Variants in CACNA2D3 observed in about 807,000 individuals in gnomAD.
The protein encoded by CACNA2D3 is calcium voltage-gated channel auxiliary subunit alpha2delta 3.
Under a neutral mutation model 160.6 loss-of-function variants are expected in CACNA2D3, and 60 were observed. The observed-to-expected ratio is 0.37, with a 90% CI of 0.30 to 0.46. The LOEUF is 0.46. CACNA2D3 is among the 20% of genes least tolerant of loss of function. CACNA2D3 has a pLI of 1.00. For synonymous variants in CACNA2D3, 558 were observed against 492.9 expected, an observed-to-expected ratio of 1.13 and a Z score of -1.75; for missense variants, 1,205 against 1,365.0, an observed-to-expected ratio of 0.88 and a Z score of 1.85.
chr3:54,605,287 G>C, intron 9 of CACNA2D3, among the ~76,000 whole-genome samples: 1 of 152,100 alleles, frequency 6.6e-6, no homozygotes, highest in East Asian at 1.9e-4. Context: ...TATCTTTTGT[G>C]GGGGACACAA....
At chr3:54,863,490 T>C (rs1575517473) in intron 17 of CACNA2D3, among the ~76,000 whole-genome samples, 1 of 152,246 alleles carries the variant, frequency 6.6e-6, no homozygotes, top group East Asian at 1.9e-4. Context: ...CTCAGCACTA[T>C]TTTGATTTTT....
chr3:54,670,116 C>T (rs926197100), intron 11 of CACNA2D3, among the ~76,000 whole-genome samples: 5 of 152,194 alleles, frequency 3.3e-5, no homozygotes, highest in African/African-American at 1.2e-4. Context: ...CTGTAGAGTT[C>T]ATGGAGGAAT....
At chr3:54,938,320 C>T (rs944016673) in intron 27 of CACNA2D3, among the ~76,000 whole-genome samples, 2 of 152,204 alleles carry the variant, frequency 1.3e-5, no homozygotes, top group South Asian at 2.1e-4. Context: ...TGAGTGTTTA[C>T]GTCCTGCAAC....
chr3:54,710,459 G>A (rs927969062), intron 11 of CACNA2D3, among the ~76,000 whole-genome samples: 5 of 152,200 alleles, frequency 3.3e-5, no homozygotes, highest in Non-Finnish European at 7.3e-5. Context: ...TTAACGTGCG[G>A]TCTTGACAGT....
chr3:54,952,035 G>A (rs548427638), intron 27 of CACNA2D3, among the ~76,000 whole-genome samples: 1 of 152,230 alleles, frequency 6.6e-6, no homozygotes, highest in African/African-American at 2.4e-5. Context: ...TTTTAGTAGA[G>A]ATGGCATTTC....
intron 2 of CACNA2D3, among the ~76,000 whole-genome samples, chr3:54,137,235 C>A (rs1207713518): frequency 6.6e-6 from 1 of 152,184 alleles, no homozygotes; most frequent in Non-Finnish European, 1.5e-5. Context: ...TGGAGCAAGT[C>A]AGACATTTTA....
At chr3:54,757,385 C>T (rs1311652091) in intron 12 of CACNA2D3, among the ~76,000 whole-genome samples, 1 of 152,126 alleles carries the variant, frequency 6.6e-6, no homozygotes, top group Non-Finnish European at 1.5e-5. Context: ...CTGGAAGGTC[C>T]AGCTCCTAAT....
chr3:54,752,422 C>T (rs1019948368), intron 11 of CACNA2D3, among the ~76,000 whole-genome samples, 177 bp from the exon 12 acceptor site: 1 of 152,130 alleles, frequency 6.6e-6, no homozygotes, highest in Non-Finnish European at 1.5e-5. Flanking sequence ...AGATCAAAGG[C>T]CCCAATTTTG....
chr3:54,900,677 G>A (rs1307393911), intron 27 of CACNA2D3, among the ~76,000 whole-genome samples: 1 of 152,202 alleles, frequency 6.6e-6, no homozygotes, highest in African/African-American at 2.4e-5. Flanking sequence ...TAAAGAGAGC[G>A]ATTTTTGTTT....
chr3:54,142,288 C>T (rs993479211), intron 2 of CACNA2D3, among the ~76,000 whole-genome samples: 2 of 152,172 alleles, frequency 1.3e-5, no homozygotes, highest in African/African-American at 4.8e-5. Flanking sequence ...CAAACTCCCT[C>T]CCTTGCCACT....
chr3:54,239,923 C>G (rs913848002), intron 2 of CACNA2D3, among the ~76,000 whole-genome samples: 7 of 152,292 alleles, frequency 4.6e-5, no homozygotes, highest in Middle Eastern at 3.4e-3. Context: ...TCACTTTACA[C>G]TAGGCTAGAC....
chr3:54,818,417 G>A (rs1306971226), intron 14 of CACNA2D3, among the ~76,000 whole-genome samples: 1 of 152,180 alleles, frequency 6.6e-6, no homozygotes, highest in East Asian at 1.9e-4. Flanking sequence ...CTGACCTTAG[G>A]TGATCTGCCT....
intron 4 of CACNA2D3, among the ~76,000 whole-genome samples, chr3:54,437,646 G>A (rs1229112650): frequency 3.9e-5 from 6 of 152,236 alleles, no homozygotes; most frequent in Non-Finnish European, 5.9e-5. Context: ...TTTTCATAAT[G>A]TCCAAGGAGC....
At chr3:54,400,578 A>G (rs191379017) in intron 4 of CACNA2D3, among the ~76,000 whole-genome samples, 1 of 152,220 alleles carries the variant, frequency 6.6e-6, no homozygotes, top group East Asian at 1.9e-4. Context: ...TGCTACCACC[A>G]CCACTGCCCC....
intron 28 of CACNA2D3, among the ~76,000 whole-genome samples, chr3:54,969,066 TA>T (rs1702216989): frequency 6.6e-6 from 1 of 152,160 alleles, no homozygotes; most frequent in South Asian, 2.1e-4. Flanking sequence ...TGACCAAGAA[TA>T]AATGTTAGAA....
chr3:54,136,916 T>G (rs1252439893), intron 2 of CACNA2D3, among the ~76,000 whole-genome samples: 1 of 152,246 alleles, frequency 6.6e-6, no homozygotes, highest in East Asian at 1.9e-4. Context: ...TGAGAGACAC[T>G]GTTTACATGT....
chr3:54,522,183 A>AT lies in CACNA2D3; in HGVS notation c.544+18537dup, dbSNP rs1024220481. Among the ~76,000 whole-genome samples, 11 of 151,766 alleles carry AT rather than the reference A, an allele frequency of 7.2e-5. No homozygotes were observed. The Middle Eastern group carries it at 0.014, about 188-fold the overall frequency. ...TTTTAAATCCATGAATATGAGATAT[A>AT]TTTTTTTTCATTTTACTTGGATCTT... On this transcript the variant is annotated intron_variant, in intron 5 of 37. Transcript: ENST00000474759.
intron 5 of CACNA2D3, among the ~76,000 whole-genome samples, chr3:54,562,389 T>C (rs999791290): frequency 6.6e-6 from 1 of 152,120 alleles, no homozygotes; most frequent in African/African-American, 2.4e-5. Context: ...GCTGAGGTGA[T>C]TACAGTGAGA....
chr3:54,149,537 G>T (rs1462521732), intron 2 of CACNA2D3, among the ~76,000 whole-genome samples: 3 of 152,240 alleles, frequency 2.0e-5, no homozygotes, highest in Non-Finnish European at 2.9e-5. Context: ...TGGGTTCCGG[G>T]TTGGCATGTC....
Sources: allele counts gnomAD v4.1 joint callset (sites outside exome capture counted in the v4.1 genomes callset), GRCh38; gene constraint gnomAD v4.1.1; transcripts MANE v1.5; gene names NCBI Gene and HGNC (gene_info 2026-07-23, HGNC 2026-07-21).